USP32: variants seen among roughly 807,000 people sequenced by gnomAD.
USP32 encodes ubiquitin carboxyl-terminal hydrolase 32.
A neutral mutation model predicts 204.8 loss-of-function variants in USP32; 59 were observed. That is an observed-to-expected ratio of 0.29 (90% CI 0.23 to 0.36). The LOEUF is 0.36. Among genes scored for constraint, USP32 ranks in the 10% least tolerant of loss-of-function variants. The probability of loss-of-function intolerance (pLI) is 1.00; values close to 1 mark genes in which losing one functional copy is unlikely to be tolerated. For missense variants in USP32, 1,160 were observed against 1,946.4 expected (o/e 0.60, Z 7.60); for synonymous variants, 517 against 678.4 (o/e 0.76, Z 3.70).
chr17:60,399,836 A>C (rs1649756437), intron 1 of USP32, among the ~76,000 whole-genome samples: 1 of 152,218 alleles, frequency 6.6e-6, no homozygotes, highest in African/African-American at 2.4e-5. Context: ...TGCCAGCTCT[A>C]AGGGCCAGCA....
chr17:60,346,393 A>G (rs2088787043), intron 1 of USP32, among the ~76,000 whole-genome samples: 1 of 152,232 alleles, frequency 6.6e-6, no homozygotes, highest in Non-Finnish European at 1.5e-5. Context: ...GCAGCAATAC[A>G]TTAATCTCCT....
intron 26 of USP32, among the ~76,000 whole-genome samples, chr17:60,200,470 G>A (rs182401287): frequency 1.6e-3 from 236 of 151,564 alleles, no homozygotes; most frequent in African/African-American, 5.5e-3. Flanking sequence ...TGAGGCAGGA[G>A]AATCACTTGA....
chr17:60,193,862 G>C (rs1211857867), intron 27 of USP32, among the ~76,000 whole-genome samples: 3 of 152,144 alleles, frequency 2.0e-5, no homozygotes, highest in Non-Finnish European at 2.9e-5. Flanking sequence ...GTACTGTCTA[G>C]TACCATGTCC....
rs555408864 is a variant in USP32 at position 60,317,352 on chromosome 17, A to T, written c.187-15648T>A. 2.3e-3 allele frequency among the ~76,000 whole-genome samples: 355 copies of T among 151,400 alleles called. 2 individuals are homozygous for T. The highest frequency in any genetic ancestry group is 8.1e-3 in the African/African-American group (334 of 41,214). ...AACATAGTGAGACCTCATCTCTATTAAAAAAACTTAAAAATAAGCCAGGCA... is the reference window on the plus strand; with the variant it reads ...AACATAGTGAGACCTCATCTCTATTTAAAAAACTTAAAAATAAGCCAGGCA... On this transcript the variant is annotated intron_variant, in intron 2 of 33. Coordinates refer to ENST00000300896, the MANE Select transcript of USP32 (RefSeq NM_032582.4).
intron 1 of USP32, among the ~76,000 whole-genome samples, chr17:60,383,587 C>CTAT (rs1438472053): frequency 6.6e-6 from 1 of 152,220 alleles, no homozygotes; most frequent in Non-Finnish European, 1.5e-5. Flanking sequence ...AATACCACTT[C>CTAT]ATATGAGGTG....
Position 60,222,482 on chromosome 17 carries a change from T to C in USP32, c.1676A>G (p.Tyr559Cys), listed in dbSNP as rs1384980170. ...RTPQLIHGRD[Y>C]EMVPEPVWRA... ...CCACACAGGTTCTGGGACCATTTCA[T>C]AGTCTCTTCCATGAATCAGCTGTGG... The change falls in exon 15 of 34, where the codon TAT (tyrosine) becomes TGT (cysteine). Residue 559 changes from tyrosine to cysteine, a missense_variant. Tyr to Cys is a radical substitution (Grantham distance 194). This residue lies in a region of USP32 where 536 missense variants were observed against 680.9 expected (regional missense o/e 0.79). Coordinates refer to ENST00000300896, the MANE Select transcript of USP32 (RefSeq NM_032582.4). 6.2e-7 allele frequency: 1 copy of C among 1,614,204 alleles called. No individual in the cohort carries two copies. Among genetic ancestry groups the C allele is most frequent in the Non-Finnish European group, 8.5e-7 (1 of 1,180,030 alleles).
rs1461223387 is a variant in USP32 at position 60,222,443 on chromosome 17, T to C, written c.1715A>G (p.His572Arg). 2.5e-6 allele frequency: 4 copies of C among 1,614,176 alleles called. No individual in the cohort carries two copies. The South Asian group carries it at 4.4e-5, about 18-fold the overall frequency. The change falls in exon 15 of 34, where the codon CAC becomes CGC. Residue 572 changes from histidine (H) to arginine (R), a missense_variant. Around this residue, in one of 8 missense-constraint regions of USP32, gnomAD observed 536 missense variants for 680.9 expected, o/e 0.79. Coordinates refer to ENST00000300896, the MANE Select transcript of USP32 (RefSeq NM_032582.4). ...TAAGGCCAGGTTTGCTCCATACCAG[T>C]GATAAAGTGCTCTCCACACAGGTTC... ...VPEPVWRALY[H>R]WYGANLALPR...
At chr17:60,240,928 T>G (rs1246752942) in intron 11 of USP32, among the ~76,000 whole-genome samples, 8 of 152,150 alleles carry the variant, frequency 5.3e-5, no homozygotes, top group Non-Finnish European at 1.2e-4. Context: ...AATTCTGAGT[T>G]AAGTATAACA....
intron 26 of USP32, among the ~76,000 whole-genome samples, chr17:60,201,732 C>T (rs887721505): frequency 1.3e-5 from 2 of 151,906 alleles, no homozygotes; most frequent in African/African-American, 4.8e-5. Context: ...GATCTCGGCC[C>T]ATTGCAACCT....
rs1290489461 is a variant in USP32, at chr17:60,198,381, A to C, written c.3313T>G (p.Leu1105Val). 6.2e-7 allele frequency: 1 copy of C among 1,614,042 alleles called. No individual in the cohort carries two copies. Among genetic ancestry groups the C allele is most frequent in the Non-Finnish European group, 8.5e-7 (1 of 1,180,010 alleles). Residue 1105 changes from leucine (L) to valine (V), a missense_variant, in exon 27 of 34, where the codon TTG becomes GTG. Around this residue, in one of 8 missense-constraint regions of USP32, gnomAD observed 160 missense variants for 322.5 expected, o/e 0.50. Transcript: ENST00000300896. The stretch of plus-strand genomic sequence containing the variant: ...GTATGCACAGTACATGGAACAATCA[A>C]TGGCATTCCAAAGAGGCTGGGGCGA... ...KNRPSLFGMP[L>V]IVPCTVHTRK...
At chr17:60,271,268 T>A in intron 6 of USP32, 82 bp downstream of exon 6, 1 of 1,518,822 alleles carries the variant, frequency 6.6e-7, no homozygotes, top group Non-Finnish European at 8.9e-7. Flanking sequence ...TTTCTTAGAG[T>A]TAAAATGTAT....
At chr17:60,396,354 G>C (rs558414337), upstream of USP32, among the ~76,000 whole-genome samples, 82 of 152,172 alleles carry the variant, frequency 5.4e-4, no homozygotes, top group African/African-American at 1.9e-3. Context: ...TGGGATTATA[G>C]GTGTGAGCCA....
intron 5 of USP32, 93 bp from the exon 6 acceptor site, chr17:60,271,574 T>A: frequency 8.0e-7 from 1 of 1,257,480 alleles, no homozygotes; most frequent in Non-Finnish European, 1.1e-6. Flanking sequence ...CAGATATATT[T>A]TAGTTTCACA....
intron 9 of USP32, among the ~76,000 whole-genome samples, chr17:60,262,232 T>C (rs237958): frequency 0.22 from 33,083 of 152,064 alleles, 8,937 homozygotes; most frequent in African/African-American, 0.64. Context: ...ACTCTTGTTA[T>C]TCAGGCTGGA....
At chr17:60,230,657 AC>A in intron 12 of USP32, among the ~76,000 whole-genome samples, 1 of 152,160 alleles carries the variant, frequency 6.6e-6, no homozygotes, top group Non-Finnish European at 1.5e-5. Context: ...CTTTTCTATT[AC>A]AGGAACCTGA....
At chr17:60,385,464 T>C (rs2089714702) in intron 1 of USP32, among the ~76,000 whole-genome samples, 1 of 152,128 alleles carries the variant, frequency 6.6e-6, no homozygotes, top group Admixed American at 6.6e-5. Context: ...GAGAATCGCT[T>C]GAACCAGGAG....
chr17:60,205,455 G>A lies in USP32; in HGVS notation c.3241C>T (p.Arg1081Ter). 1.2e-6 allele frequency: 2 copies of A among 1,604,868 alleles called. No individual in the cohort carries two copies. The highest frequency in any genetic ancestry group is 1.7e-6 in the Non-Finnish European group (2 of 1,174,800). The change falls in exon 26 of 34, where the codon CGA becomes TGA. Residue 1081 changes from arginine (R) to a stop codon, truncating the protein, a stop_gained. Coordinates refer to ENST00000300896, the MANE Select transcript of USP32 (RefSeq NM_032582.4). LOFTEE classifies it high-confidence loss of function. ...PFTGYIIAVH[R>*]KMMRTELYFL... ...CCTAACATTTAACTAACCATTTTTC[G>A]GTGGACTGCAATGATGTAACCTGTA...
Position 60,231,876 on chromosome 17 carries a change from G to T in USP32, c.1239+4262C>A, listed in dbSNP as rs543227085. On this transcript the variant is annotated intron_variant, in intron 12 of 33. Coordinates refer to ENST00000300896, the MANE Select transcript of USP32 (RefSeq NM_032582.4). ...GACACATTAAAGCGGGGAAAGACTG[G>T]TAAGATTCCATGAGCAGAGACACAA... is the stretch of plus-strand genomic sequence containing the variant. 1.8e-4 allele frequency among the ~76,000 whole-genome samples: 28 copies of T among 152,260 alleles called. No individual in the cohort carries two copies. In the South Asian group the frequency reaches 4.8e-3, roughly 26 times the overall value.
intron 11 of USP32, among the ~76,000 whole-genome samples, chr17:60,247,432 G>A (rs910320584): frequency 1.6e-4 from 24 of 152,040 alleles, no homozygotes; most frequent in African/African-American, 5.3e-4. Context: ...CAGCCGTCTC[G>A]GCCTCCCAAA....
Sources: allele counts gnomAD v4.1 joint callset (sites outside exome capture counted in the v4.1 genomes callset), GRCh38; gene constraint gnomAD v4.1.1; regional missense constraint gnomAD v4.1.1; transcripts MANE v1.5; gene names NCBI Gene and HGNC (gene_info 2026-07-23, HGNC 2026-07-21).